Variants in SPTLC1 observed in about 807,000 individuals in gnomAD.
SPTLC1 encodes the protein serine palmitoyltransferase 1.
In SPTLC1, 55 loss-of-function variants were observed where a neutral mutation model predicts 68.9. The observed-to-expected ratio is 0.80, with a 90% CI of 0.64 to 1.00. The LOEUF is 1.00. Ranked by LOEUF, SPTLC1 falls within the 50% of genes least tolerant of loss-of-function variation. The probability of loss-of-function intolerance (pLI) is 0.00; values close to 1 mark genes in which losing one functional copy is unlikely to be tolerated. For missense variants in SPTLC1, 449 were observed against 573.1 expected (o/e 0.78, Z 2.21); for synonymous variants, 197 against 201.6 (o/e 0.98, Z 0.19).
At chr9:92,037,368 A>G (rs1833176585) in intron 13 of SPTLC1, among the ~76,000 whole-genome samples, 3 of 152,206 alleles carry the variant, frequency 2.0e-5, no homozygotes, top group African/African-American at 7.2e-5. Context: ...TTCATTCTCA[A>G]ATACATACTA....
chr9:92,104,918 G>A (rs1181058691), intron 3 of SPTLC1: 109 of 1,534,296 alleles, frequency 7.1e-5, no homozygotes, highest in Non-Finnish European at 6.7e-5. Flanking sequence ...CCATGGAGTC[G>A]CCAGTTCACA....
At chr9:92,051,424 C>T in intron 8 of SPTLC1, 1 of 197,590 alleles carries the variant, frequency 5.1e-6, no homozygotes, top group Non-Finnish European at 9.1e-6. Context: ...AATCCAACAA[C>T]CTCTCATGAT....
chr9:92,080,896 C>T lies in SPTLC1; in HGVS notation c.328G>A (p.Gly110Arg), dbSNP rs1232052415. 1 of 1,614,042 alleles carries T rather than the reference C, an allele frequency of 6.2e-7. No homozygotes were observed. The highest frequency in any genetic ancestry group is 1.1e-5 in the South Asian group (1 of 91,072). The change falls in exon 4 of 15, where the codon GGA becomes AGA. Residue 110 changes from glycine (G) to arginine (R), a missense_variant. By Grantham distance (125) the Gly-to-Arg change is moderately radical. Coordinates refer to ENST00000262554, the MANE Select transcript of SPTLC1 (RefSeq NM_006415.4). ...TTAACCCTAGGGTTATCCAACAATC[C>T]AAGAAAATTAAATGAGGCGAAGTTT... The part of the protein sequence containing the change: ...CINFASFNFL[G>R]LLDNPRVKAA...
Position 92,083,059 on chromosome 9 carries a change from T to C in SPTLC1, c.261-2096A>G, listed in dbSNP as rs1330285182. ...TCTTCTTTTGAGAAGTGTCTGTTCA[T>C]GTCCTTTGCCCACTTTTTGATGGGA... On this transcript the variant is annotated intron_variant, in intron 3 of 14. Coordinates refer to ENST00000262554, the MANE Select transcript of SPTLC1 (RefSeq NM_006415.4). Among the ~76,000 whole-genome samples, 6 of 152,116 alleles carry C rather than the reference T, an allele frequency of 3.9e-5. No homozygotes were observed. In the East Asian group the frequency reaches 9.6e-4, roughly 24 times the overall value.
chr9:92,081,023 T>G, intron 3 of SPTLC1, 60 bp from the exon 4 acceptor site: 1 of 1,297,560 alleles, frequency 7.7e-7, no homozygotes, highest in South Asian at 1.2e-5. Context: ...GCTATCATAT[T>G]ACCTTGGTGG....
At chr9:92,051,310 T>A in intron 8 of SPTLC1, 1 of 973,344 alleles carries the variant, frequency 1.0e-6, no homozygotes, top group Non-Finnish European at 1.2e-6. Flanking sequence ...GCAATGGTGG[T>A]TCAACATGGA....
At position 92,049,948 on chromosome 9, in the gene SPTLC1, A is replaced by T. The variant is rs749538402; in HGVS notation, c.888+12T>A. Reference sequence around the variant, plus strand: ...ATAAGAGGGGAAACGTTCTTAAAAAAGGGGAACTTACATTGATTCCATAGT... The same window carrying T: ...ATAAGAGGGGAAACGTTCTTAAAAATGGGGAACTTACATTGATTCCATAGT... On this transcript the variant is annotated intron_variant, in intron 9 of 14. Transcript: ENST00000262554. The T allele has an allele frequency of 6.4e-7, 1 of 1,555,316 alleles. No individual in the cohort carries two copies. The highest frequency in any genetic ancestry group is 8.9e-7 in the Non-Finnish European group (1 of 1,126,252).
Position 92,080,083 on chromosome 9 carries a change from T to C in SPTLC1, c.360A>G (p.Ala120=). 1 of 1,612,170 alleles carries C rather than the reference T, an allele frequency of 6.2e-7. No individual in the cohort carries two copies. Among genetic ancestry groups the C allele is most frequent in the African/African-American group, 1.3e-5 (1 of 75,036 alleles). ...CATACTTCTTTAGAGATGCTAAAGCTGCTGCCTTTATTGAAGTACAAGAAT... is the reference window on the plus strand; with the variant it reads ...CATACTTCTTTAGAGATGCTAAAGCCGCTGCCTTTATTGAAGTACAAGAAT... ...GLLDNPRVKA[A]ALASLKKYGV... The change falls in exon 5 of 15, where the codon GCA becomes GCG. Residue 120 remains alanine, a synonymous_variant. Coordinates refer to ENST00000262554, the MANE Select transcript of SPTLC1 (RefSeq NM_006415.4).
intron 3 of SPTLC1, among the ~76,000 whole-genome samples, chr9:92,084,376 G>T (rs534263979): frequency 1.3e-5 from 2 of 152,228 alleles, no homozygotes; most frequent in East Asian, 3.9e-4. Flanking sequence ...TTGGCTGTGG[G>T]TCTGTCATAG....
chr9:92,084,769 G>A (rs1490102749), intron 3 of SPTLC1, among the ~76,000 whole-genome samples: 1 of 151,382 alleles, frequency 6.6e-6, no homozygotes, highest in African/African-American at 2.4e-5. Context: ...ATGAGTTAGG[G>A]AGGATTCTCT....
chr9:92,108,697 A>G (rs1228106118), intron 3 of SPTLC1, 43 bp downstream of exon 3: 1 of 1,583,502 alleles, frequency 6.3e-7, no homozygotes, highest in Non-Finnish European at 8.6e-7. Context: ...AGGTTACTAC[A>G]AGAAGCCAAA....
chr9:92,096,789 C>CA (rs1203140479), intron 3 of SPTLC1, among the ~76,000 whole-genome samples: 9 of 151,198 alleles, frequency 6.0e-5, no homozygotes, highest in African/African-American at 1.7e-4. Context: ...TTACAGATGA[C>CA]AAAAAAGTAC....
intron 8 of SPTLC1, among the ~76,000 whole-genome samples, chr9:92,053,130 C>A (rs1373682421): frequency 2.5e-4 from 35 of 140,258 alleles, no homozygotes; most frequent in South Asian, 1.4e-3. Flanking sequence ...AACAAACAAA[C>A]AAAAAAAAAA....
intron 3 of SPTLC1, among the ~76,000 whole-genome samples, chr9:92,084,081 A>G (rs1835013506): frequency 6.6e-6 from 1 of 151,724 alleles, no homozygotes; most frequent in Non-Finnish European, 1.5e-5. Flanking sequence ...TGATTTTTGT[A>G]CATTGATTTT....
chr9:92,074,026 G>A (rs538863379), intron 5 of SPTLC1, among the ~76,000 whole-genome samples: 2 of 152,106 alleles, frequency 1.3e-5, no homozygotes, highest in African/African-American at 4.8e-5. Flanking sequence ...TGGAGCTCCT[G>A]GAGTACAAAC....
intron 5 of SPTLC1, among the ~76,000 whole-genome samples, chr9:92,071,326 G>A (rs915514287): frequency 2.0e-5 from 3 of 152,062 alleles, no homozygotes; most frequent in African/African-American, 7.2e-5. Context: ...CCTGAACCCA[G>A]GAGGCGGAGG....
intron 3 of SPTLC1, among the ~76,000 whole-genome samples, chr9:92,098,683 T>G (rs1374423421): frequency 6.6e-6 from 1 of 150,656 alleles, no homozygotes; most frequent in African/African-American, 2.5e-5. Flanking sequence ...AAATAAAAAA[T>G]TTTAAGATGT....
At chr9:92,097,636 T>C (rs946390639) in intron 3 of SPTLC1, among the ~76,000 whole-genome samples, 3 of 152,152 alleles carry the variant, frequency 2.0e-5, no homozygotes, top group African/African-American at 4.8e-5. Context: ...GTCCATAAAG[T>C]AGATAAATGG....
intron 6 of SPTLC1, among the ~76,000 whole-genome samples, chr9:92,064,969 G>A (rs1234485780): frequency 6.6e-6 from 1 of 152,216 alleles, no homozygotes; most frequent in African/African-American, 2.4e-5. Context: ...GGAGGAATGT[G>A]GATGTGGCAA....
Sources: allele counts gnomAD v4.1 joint callset (sites outside exome capture counted in the v4.1 genomes callset), GRCh38; gene constraint gnomAD v4.1.1; transcripts MANE v1.5; gene names NCBI Gene and HGNC (gene_info 2026-07-23, HGNC 2026-07-21).